The following RRP15 variants were observed in gnomAD, a reference collection of about 807,000 sequenced individuals.
The protein encoded by RRP15 is RRP15-like protein.
RRP15 carries 18 observed loss-of-function variants against 27.1 expected under a neutral mutation model. The observed-to-expected ratio is 0.66, with a 90% CI of 0.46 to 0.98. RRP15 has a LOEUF of 0.98. Ranked by LOEUF, RRP15 falls within the 50% of genes least tolerant of loss-of-function variation. The probability of loss-of-function intolerance (pLI) is 0.00; values close to 1 mark genes in which losing one functional copy is unlikely to be tolerated. For missense variants in RRP15, 359 were observed against 337.8 expected, an observed-to-expected ratio of 1.06 and a Z score of -0.49; for synonymous variants, 107 against 109.4, an observed-to-expected ratio of 0.98 and a Z score of 0.14.
chr1:218,324,803 T>G (rs1656246984), intron 4 of RRP15, among the ~76,000 whole-genome samples: 1 of 152,220 alleles, frequency 6.6e-6, no homozygotes, highest in Admixed American at 6.5e-5. Flanking sequence ...TATTCCATAT[T>G]TATATGTTTC....
chr1:218,297,510 A>G (rs1302672293), intron 1 of RRP15, among the ~76,000 whole-genome samples: 1 of 152,154 alleles, frequency 6.6e-6, no homozygotes, highest in Non-Finnish European at 1.5e-5. Context: ...TCCTATTTTT[A>G]CAGATGAAGA....
chr1:218,324,107 C>T (rs1383235190), intron 4 of RRP15, among the ~76,000 whole-genome samples: 1 of 152,222 alleles, frequency 6.6e-6, no homozygotes, highest in Non-Finnish European at 1.5e-5. Context: ...TGGCCCCTCT[C>T]AGCCTGCCCC....
intron 4 of RRP15, among the ~76,000 whole-genome samples, chr1:218,308,882 G>A (rs1037631465): frequency 1.3e-5 from 2 of 152,230 alleles, no homozygotes; most frequent in Admixed American, 6.5e-5. Flanking sequence ...TTTACTGTAA[G>A]AGTTAGAGAA....
intron 1 of RRP15, 98 bp downstream of exon 1, chr1:218,285,553 G>A: frequency 6.5e-7 from 1 of 1,534,440 alleles, no homozygotes; most frequent in Admixed American, 1.9e-5. Flanking sequence ...TAGCCACCTG[G>A]GTTTTATCTT....
At chr1:218,305,641 A>T (rs1163313080) in intron 3 of RRP15, among the ~76,000 whole-genome samples, 1 of 152,206 alleles carries the variant, frequency 6.6e-6, no homozygotes, top group African/African-American at 2.4e-5. Context: ...TGAGAGTAGA[A>T]TTATGTCTAT....
chr1:218,319,853 A>T (rs1425491522), intron 4 of RRP15, among the ~76,000 whole-genome samples: 1 of 152,012 alleles, frequency 6.6e-6, no homozygotes, highest in Non-Finnish European at 1.5e-5. Flanking sequence ...ATAAATCTGG[A>T]TTTTCATTTA....
chr1:218,316,527 G>C (rs1021156077), intron 4 of RRP15, among the ~76,000 whole-genome samples: 1 of 152,056 alleles, frequency 6.6e-6, no homozygotes, highest in Non-Finnish European at 1.5e-5. Flanking sequence ...GACCATTTGT[G>C]GGGATATATA....
chr1:218,285,456 G>T lies in RRP15; in HGVS notation c.139+1G>T. 6.2e-7 allele frequency: 1 copy of T among 1,614,144 alleles called. No homozygotes were observed. Among genetic ancestry groups the T allele is most frequent in the Non-Finnish European group, 8.5e-7 (1 of 1,180,002 alleles). On this transcript the variant is annotated splice_donor_variant, in intron 1 of 4. Transcript: ENST00000366932. LOFTEE classifies it high-confidence loss of function. ...GCCACAGACACTTCTGATAGTGAAG[G>T]TAATGTGGTAGGGCTGAGCTTTGGT...
chr1:218,304,655 CTT>C (rs1369487194), intron 2 of RRP15, among the ~76,000 whole-genome samples: 1 of 152,192 alleles, frequency 6.6e-6, no homozygotes, highest in African/African-American at 2.4e-5. Flanking sequence ...TAAAGATAAA[CTT>C]ATAATTTTCA....
intron 4 of RRP15, among the ~76,000 whole-genome samples, chr1:218,314,017 T>TATTTTATTTTATTTTATTTTATTTTA (rs1558208688): frequency 2.0e-5 from 3 of 147,782 alleles, no homozygotes; most frequent in African/African-American, 7.6e-5. Flanking sequence ...ATTTTATGTT[T>TATTTTATTTTATTTTATTTTATTTTA]TGTTATTTTA....
chr1:218,291,618 G>A (rs1291697376), intron 1 of RRP15, among the ~76,000 whole-genome samples: 1 of 128,554 alleles, frequency 7.8e-6, no homozygotes, highest in Non-Finnish European at 1.6e-5. Flanking sequence ...CACAACCTCC[G>A]CCTCCCAGGT....
intron 4 of RRP15, among the ~76,000 whole-genome samples, 170 bp from the exon 5 acceptor site, chr1:218,330,778 A>G (rs1210874485): frequency 6.6e-6 from 1 of 152,200 alleles, no homozygotes; most frequent in South Asian, 2.1e-4. Context: ...TTGTACATAT[A>G]TAATCATAGT....
chr1:218,307,971 G>A (rs1267846659), intron 4 of RRP15, among the ~76,000 whole-genome samples: 2 of 147,984 alleles, frequency 1.4e-5, no homozygotes, highest in South Asian at 2.2e-4. Context: ...CTTTAGTGAT[G>A]TTTGGTTGAG....
At chr1:218,308,457 A>T (rs59078694) in intron 4 of RRP15, among the ~76,000 whole-genome samples, 5,019 of 152,116 alleles carry the variant, frequency 0.033, 266 homozygotes, top group African/African-American at 0.11. Context: ...TTGTCGTTTT[A>T]AAAAAGCAAA....
intron 3 of RRP15, among the ~76,000 whole-genome samples, chr1:218,305,469 A>G (rs902974952): frequency 6.6e-6 from 1 of 152,210 alleles, no homozygotes; most frequent in Non-Finnish European, 1.5e-5. Context: ...TTTATGGCAT[A>G]ATACATTACA....
At chr1:218,298,783 TACTC>T (rs1467524095) in intron 1 of RRP15, among the ~76,000 whole-genome samples, 3 of 152,228 alleles carry the variant, frequency 2.0e-5, no homozygotes, top group Admixed American at 6.5e-5. Flanking sequence ...ACATTTGAAA[TACTC>T]AATAGGCTCT....
chr1:218,285,766 A>C (rs1456873446), intron 1 of RRP15, among the ~76,000 whole-genome samples: 5 of 152,204 alleles, frequency 3.3e-5, no homozygotes, highest in African/African-American at 9.6e-5. Flanking sequence ...TGAAAGGAAG[A>C]GGGTACTTGA....
chr1:218,297,213 G>A (rs536421842), intron 1 of RRP15, among the ~76,000 whole-genome samples: 69 of 152,288 alleles, frequency 4.5e-4, no homozygotes, highest in African/African-American at 1.6e-3. Flanking sequence ...GTCTAATTCA[G>A]TAATCTGAGC....
At chr1:218,293,161 A>G (rs1399043976) in intron 1 of RRP15, among the ~76,000 whole-genome samples, 1 of 151,778 alleles carries the variant, frequency 6.6e-6, no homozygotes, top group Non-Finnish European at 1.5e-5. Flanking sequence ...AATAATTGGG[A>G]CCATAGGTGC....
Sources: gnomAD v4.1 joint callset for allele counts (sites outside exome capture counted in the v4.1 genomes callset) on GRCh38, gnomAD v4.1.1 for gene constraint, MANE v1.5 for transcripts, NCBI Gene and HGNC (gene_info 2026-07-23, HGNC 2026-07-21) for gene names.